The following PCDH11Y variants were observed in gnomAD, a reference collection of about 807,000 sequenced individuals.
PCDH11Y encodes the protein protocadherin 11 Y-linked, also known as protocadherin-11 Y-linked.
For synonymous variants in PCDH11Y, 9 were observed against 83.6 expected (o/e 0.11, Z 4.87); for missense variants, 12 against 224.8 (o/e 0.05, Z 6.05).
downstream of PCDH11Y, among the ~76,000 whole-genome samples, chrY:5,108,837 A>T: frequency 3.3e-5 from 1 of 30,386 alleles, no homozygotes; most frequent in African/African-American, 1.3e-4. Flanking sequence ...ATATTCAATC[A>T]ATATTTACTA....
In PCDH11Y at chrY:5,670,887, T is replaced by C. The variant is rs2053548449; in HGVS notation, c.3353-66385T>C. 1.8e-4 allele frequency among the ~76,000 whole-genome samples: 6 copies of C among 33,017 alleles called. No individual in the cohort carries two copies. In the South Asian group the frequency reaches 3.9e-3, roughly 22 times the overall value. The allele number at this position is 33,017 out of a possible 37,273, so 88.6% of individuals were successfully genotyped here. ...CCTAGAGAGTTTCTCCAATGTTTTC[T>C]TGTAGTAGGTTCATAGTTTGAAGTC... On this transcript the variant is annotated intron_variant, in intron 4 of 4. Transcript: ENST00000400457.
chrY:5,441,935 A>T (rs2053283047), intron 2 of PCDH11Y, among the ~76,000 whole-genome samples: 1 of 28,647 alleles, frequency 3.5e-5, no homozygotes, highest in Non-Finnish European at 8.3e-5. Flanking sequence ...GACAATTAAG[A>T]TGCAAAAAAA....
intron 2 of PCDH11Y, among the ~76,000 whole-genome samples, chrY:5,307,622 A>T: frequency 3.1e-5 from 1 of 32,606 alleles, no homozygotes; most frequent in Admixed American, 2.9e-4. Flanking sequence ...TAGATGACAG[A>T]CCCCTAGTTA....
At chrY:5,318,895 A>C in intron 2 of PCDH11Y, among the ~76,000 whole-genome samples, 1 of 32,643 alleles carries the variant, frequency 3.1e-5, no homozygotes, top group East Asian at 7.9e-4. Flanking sequence ...TTATAAAATG[A>C]GTAGAGATAG....
intron 2 of PCDH11Y, among the ~76,000 whole-genome samples, chrY:5,241,075 T>G (rs2052987753): frequency 3.1e-5 from 1 of 32,284 alleles, no homozygotes; most frequent in Non-Finnish European, 7.5e-5. Flanking sequence ...AAGCACTTGC[T>G]GCACTTTTAT....
At chrY:5,093,315 T>A in intron 1 of PCDH11Y, among the ~76,000 whole-genome samples, 2 of 33,126 alleles carry the variant, frequency 6.0e-5, no homozygotes, top group African/African-American at 2.3e-4. Flanking sequence ...ATGAAGGTTA[T>A]TAGGATGAGG....
At chrY:5,280,899 A>G (rs2053052936) in intron 2 of PCDH11Y, among the ~76,000 whole-genome samples, 2 of 32,894 alleles carry the variant, frequency 6.1e-5, no homozygotes, top group African/African-American at 2.4e-4. Context: ...GGCTGCATGT[A>G]TGTCTTCTTT....
intron 2 of PCDH11Y, among the ~76,000 whole-genome samples, chrY:5,307,961 G>A: frequency 1.8e-4 from 6 of 33,170 alleles, no homozygotes; most frequent in Non-Finnish European, 4.4e-4. Flanking sequence ...CTTAAGATGT[G>A]TGCTTCCTTA....
intron 4 of PCDH11Y, among the ~76,000 whole-genome samples, chrY:5,663,732 C>T (rs2053542687): frequency 3.3e-5 from 1 of 29,923 alleles, no homozygotes; most frequent in Non-Finnish European, 8.0e-5. Flanking sequence ...AGCACGAGTG[C>T]ATGAGTTGGA....
At chrY:5,690,303 C>G in intron 4 of PCDH11Y, among the ~76,000 whole-genome samples, 1 of 33,019 alleles carries the variant, frequency 3.0e-5, no homozygotes, top group South Asian at 6.5e-4. Flanking sequence ...TTAACCTTTA[C>G]TTTTTATTCC....
chrY:5,035,821 A>C, intron 3 of PCDH11Y, among the ~76,000 whole-genome samples: 1 of 32,426 alleles, frequency 3.1e-5, no homozygotes, highest in Middle Eastern at 0.015. Flanking sequence ...TTTATTACCA[A>C]AATATTACCA....
At chrY:5,686,626 T>C in intron 4 of PCDH11Y, among the ~76,000 whole-genome samples, 1 of 32,997 alleles carries the variant, frequency 3.0e-5, no homozygotes, top group Non-Finnish European at 7.5e-5. Context: ...GTTGTTGGTG[T>C]ATTGGAATGC....
chrY:5,147,251 C>T, intron 2 of PCDH11Y, among the ~76,000 whole-genome samples: 1 of 31,334 alleles, frequency 3.2e-5, no homozygotes, highest in Non-Finnish European at 7.7e-5. Context: ...AGAACCCTAA[C>T]TAATACAGAC....
chrY:5,457,892 C>T, intron 2 of PCDH11Y, among the ~76,000 whole-genome samples: 1 of 32,794 alleles, frequency 3.0e-5, no homozygotes, highest in African/African-American at 1.2e-4. Context: ...TAATACCCAC[C>T]TCAATAGCAT....
intron 2 of PCDH11Y, among the ~76,000 whole-genome samples, chrY:5,237,055 G>T (rs2052976119): frequency 3.0e-5 from 1 of 33,216 alleles, no homozygotes; most frequent in South Asian, 6.4e-4. Flanking sequence ...GACTTTAAAA[G>T]TACTTTTTGC....
chrY:5,407,760 C>CA (rs2053240813), intron 2 of PCDH11Y, among the ~76,000 whole-genome samples: 1 of 30,402 alleles, frequency 3.3e-5, no homozygotes, highest in Admixed American at 3.0e-4. Context: ...AAAAAAAATA[C>CA]AAAAAATTAG....
intron 1 of PCDH11Y, among the ~76,000 whole-genome samples, chrY:5,002,051 G>A: frequency 3.0e-5 from 1 of 33,719 alleles, no homozygotes; most frequent in African/African-American, 1.2e-4. Flanking sequence ...GGGGAAGAGG[G>A]GCTAGGACAA....
chrY:5,515,858 T>C, intron 3 of PCDH11Y, among the ~76,000 whole-genome samples: 4 of 33,586 alleles, frequency 1.2e-4, no homozygotes, highest in South Asian at 1.3e-3. Flanking sequence ...CTGGGATAAC[T>C]GGCTATATGC....
chrY:5,730,783 C>G (rs2053603633), intron 4 of PCDH11Y, among the ~76,000 whole-genome samples: 1 of 31,319 alleles, frequency 3.2e-5, no homozygotes, highest in Non-Finnish European at 7.8e-5. Context: ...CCTTCAGTGA[C>G]TAATATATGA....
Sources: gnomAD v4.1 joint callset for allele counts (sites outside exome capture counted in the v4.1 genomes callset) on GRCh38, gnomAD v4.1.1 for gene constraint, MANE v1.5 for transcripts, NCBI Gene and HGNC (gene_info 2026-07-23, HGNC 2026-07-21) for gene names.